The following EML6 variants were observed in gnomAD, a reference collection of about 807,000 sequenced individuals.
EML6 encodes EMAP like 6, also known as echinoderm microtubule-associated protein-like 6.
In EML6, 154 loss-of-function variants were observed where a neutral mutation model predicts 240.1. That is an observed-to-expected ratio of 0.64 (90% CI 0.56 to 0.73). The LOEUF (loss-of-function observed/expected upper bound fraction) is 0.73, where lower values mean the gene tolerates loss of function less well. Ranked by LOEUF, EML6 falls within the 30% of genes least tolerant of loss-of-function variation. The pLI is 0.00. For synonymous variants in EML6, 1,148 were observed against 899.0 expected, an observed-to-expected ratio of 1.28 and a Z score of -4.95; for missense variants, 2,964 against 2,474.6, an observed-to-expected ratio of 1.20 and a Z score of -4.20.
chr2:54,764,788 C>T (rs1049786895), intron 2 of EML6, among the ~76,000 whole-genome samples: 2 of 152,186 alleles, frequency 1.3e-5, no homozygotes, highest in African/African-American at 4.8e-5. Flanking sequence ...GTGGCCTTTT[C>T]AGCTTTCTTT....
intron 2 of EML6, among the ~76,000 whole-genome samples, chr2:54,763,067 CT>C (rs1668045978): frequency 6.6e-6 from 1 of 152,166 alleles, no homozygotes; most frequent in Admixed American, 6.5e-5. Flanking sequence ...TTATTTATGT[CT>C]CTTTTCTTCC....
At chr2:54,956,881 C>T (rs569556247) in intron 32 of EML6, among the ~76,000 whole-genome samples, 3 of 151,776 alleles carry the variant, frequency 2.0e-5, no homozygotes, top group Non-Finnish European at 2.9e-5. Flanking sequence ...ATTTAAAACT[C>T]GAGAGCTTAA....
intron 26 of EML6, among the ~76,000 whole-genome samples, chr2:54,922,828 G>A (rs893825597): frequency 2.0e-5 from 3 of 151,992 alleles, no homozygotes; most frequent in Non-Finnish European, 4.4e-5. Flanking sequence ...TCACATATAC[G>A]TGGAAGCTAA....
At chr2:54,845,471 C>A (rs982489424) in intron 8 of EML6, among the ~76,000 whole-genome samples, 2 of 152,238 alleles carry the variant, frequency 1.3e-5, no homozygotes, top group African/African-American at 4.8e-5. Flanking sequence ...CTGCCAGAAT[C>A]TTATTCCCTT....
intron 38 of EML6, among the ~76,000 whole-genome samples, 194 bp downstream of exon 38, chr2:54,964,927 G>A (rs762129493): frequency 2.6e-5 from 4 of 152,140 alleles, no homozygotes; most frequent in African/African-American, 7.2e-5. Context: ...AGAACGTGGA[G>A]GAAATAGAAT....
intron 14 of EML6, 53 bp downstream of exon 14, chr2:54,866,937 G>A (rs1011882500): frequency 7.4e-6 from 8 of 1,074,644 alleles, no homozygotes; most frequent in African/African-American, 6.3e-5. Context: ...CTGCCTGGCT[G>A]TCACCAACCT....
At chr2:54,801,178 G>A (rs957015006) in intron 2 of EML6, among the ~76,000 whole-genome samples, 1 of 151,972 alleles carries the variant, frequency 6.6e-6, no homozygotes, top group African/African-American at 2.4e-5. Flanking sequence ...AAATCAGCCG[G>A]GCATGGTGGT....
intron 13 of EML6, among the ~76,000 whole-genome samples, chr2:54,865,136 A>G (rs967083083): frequency 1.3e-5 from 2 of 152,186 alleles, no homozygotes; most frequent in African/African-American, 4.8e-5. Context: ...ACAATACAGA[A>G]TTTAGGAAAA....
intron 34 of EML6, among the ~76,000 whole-genome samples, chr2:54,959,830 G>C (rs1676412590): frequency 6.6e-6 from 1 of 152,164 alleles, no homozygotes; most frequent in Non-Finnish European, 1.5e-5. Flanking sequence ...TGACTTTGCT[G>C]TTGATAAAAC....
chr2:54,961,319 G>C (rs1475046520), intron 35 of EML6, among the ~76,000 whole-genome samples: 1 of 150,876 alleles, frequency 6.6e-6, no homozygotes, highest in East Asian at 1.9e-4. Context: ...CAAGTAGCTG[G>C]GATTACAGGT....
At position 54,964,121 on chromosome 2, in the gene EML6, A is replaced by C. The variant is rs748339631; in HGVS notation, c.5293A>C (p.Lys1765Gln). Residue 1765 changes from lysine to glutamine, a missense_variant, in exon 37 of 42, where the codon AAA becomes CAA. Transcript: ENST00000356458. ...LLVNSLKVWG[K>Q]KRDRKSAIQD... is the part of the protein sequence containing the mutation. ...GGTGAACAGCCTGAAAGTTTGGGGGAAAAAACGAGACCGGAAATCTGCTAT... is the reference window on the plus strand; with the variant it reads ...GGTGAACAGCCTGAAAGTTTGGGGGCAAAAACGAGACCGGAAATCTGCTAT... The C allele has an allele frequency of 5.5e-5, 85 of 1,551,482 alleles. No individual in the cohort carries two copies. The highest frequency in any genetic ancestry group is 7.2e-5 in the Non-Finnish European group (83 of 1,146,958).
intron 30 of EML6, 117 bp from the exon 31 acceptor site, chr2:54,952,477 G>A (rs1676031701): frequency 1.7e-6 from 1 of 590,364 alleles, no homozygotes; most frequent in Non-Finnish European, 2.9e-6. Flanking sequence ...GAGAATTTGA[G>A]GGCTGTAAGC....
At chr2:54,874,544 C>T (rs958468544) in intron 16 of EML6, among the ~76,000 whole-genome samples, 9 of 152,244 alleles carry the variant, frequency 5.9e-5, no homozygotes, top group Admixed American at 5.2e-4. Context: ...TGGAAATTCA[C>T]CTTTTTGTCT....
intron 14 of EML6, chr2:54,867,384 C>G (rs778411208): frequency 6.5e-6 from 1 of 152,702 alleles, no homozygotes; most frequent in African/African-American, 2.4e-5. Flanking sequence ...TGAGAAGATA[C>G]TATCTGTATT....
chr2:54,812,813 A>G (rs915207569), intron 2 of EML6, among the ~76,000 whole-genome samples: 4 of 152,216 alleles, frequency 2.6e-5, no homozygotes, highest in African/African-American at 9.6e-5. Context: ...TTCTGCAAGT[A>G]TGTTTAATTC....
intron 30 of EML6, among the ~76,000 whole-genome samples, chr2:54,951,208 TATAATG>T (rs1558719374): frequency 6.6e-6 from 1 of 152,154 alleles, no homozygotes; most frequent in Admixed American, 6.5e-5. Context: ...TAGCCACATT[TATAATG>T]AGAATGAAAA....
rs1051164264 is a variant in EML6, at chr2:54,928,534, C to T, written c.3877+20C>T. ...ATGGAGGTGAGCCCCCCACCTGCCA[C>T]ATGCCTCCTGCGCCGAATGCACCTC... On this transcript the variant is annotated intron_variant, in intron 27 of 41. Transcript: ENST00000356458. 7.1e-6 allele frequency: 11 copies of T among 1,545,258 alleles called. No individual in the cohort carries two copies. Among genetic ancestry groups the T allele is most frequent in the African/African-American group, 5.5e-5 (4 of 72,892 alleles).
At chr2:54,942,463 G>C (rs1383444575) in intron 28 of EML6, among the ~76,000 whole-genome samples, 5 of 152,188 alleles carry the variant, frequency 3.3e-5, no homozygotes, top group Admixed American at 2.0e-4. Flanking sequence ...GCACTACCAG[G>C]GGTGTTGATC....
intron 26 of EML6, among the ~76,000 whole-genome samples, chr2:54,926,617 G>A (rs1208998923): frequency 6.6e-6 from 1 of 152,210 alleles, no homozygotes; most frequent in African/African-American, 2.4e-5. Flanking sequence ...TCTTTCTCTT[G>A]AGACAGCAGC....
Sources: gnomAD v4.1 joint callset for allele counts (sites outside exome capture counted in the v4.1 genomes callset) on GRCh38, gnomAD v4.1.1 for gene constraint, MANE v1.5 for transcripts, NCBI Gene and HGNC (gene_info 2026-07-23, HGNC 2026-07-21) for gene names.